Variants in NSUN6 observed in about 807,000 individuals in gnomAD.
NSUN6 encodes NOP2/Sun RNA methyltransferase 6.
A neutral mutation model predicts 58.0 loss-of-function variants in NSUN6; 64 were observed. The ratio of observed to expected loss-of-function variants is 1.10; its 90% CI spans 0.90 to 1.36. NSUN6 has a LOEUF of 1.36. NSUN6 is among the 40% of genes most tolerant of loss of function. The pLI is 0.00. For synonymous variants in NSUN6, 231 were observed against 193.9 expected (o/e 1.19, Z -1.59); for missense variants, 701 against 550.1 (o/e 1.27, Z -2.74).
Position 18,551,892 on chromosome 10 carries a change from G to A in NSUN6, c.1002C>T (p.Asn334=). The change falls in exon 9 of 11, where the codon AAC becomes AAT. Residue 334 remains asparagine (N), a synonymous_variant. Coordinates refer to ENST00000377304, the MANE Select transcript of NSUN6 (RefSeq NM_182543.5). ...CCTTCACAGACCAAGTACAGGCCAT[G>A]TTTGGTCTCTGTCCCATTCCACTAC... ...APCSGMGQRP[N]MACTWSVKEV... 1.2e-6 allele frequency: 2 copies of A among 1,612,208 alleles called. No homozygotes were observed. Among genetic ancestry groups the A allele is most frequent in the African/African-American group, 1.3e-5 (1 of 75,004 alleles).
chr10:18,570,139 G>A lies in NSUN6; in HGVS notation c.922+15810C>T, dbSNP rs141154218. 5.2e-3 allele frequency among the ~76,000 whole-genome samples: 688 copies of A among 132,160 alleles called. 8 individuals are homozygous for A. Among genetic ancestry groups the A allele is most frequent in the African/African-American group, 0.019 (653 of 34,718 alleles). 86.7% of individuals were successfully genotyped at this position (132,160 alleles called of 152,430 possible). A position where few individuals can be genotyped will look rare whatever the true frequency, so the allele number is the denominator to read the frequency against. ...TCCATTCTTCATTCCATTCCATTTC[G>A]CATTCCATTCCATTCTCCATTCCAT... On this transcript the variant is annotated intron_variant, in intron 8 of 10. Transcript: ENST00000377304.
chr10:18,596,405 C>G (rs965436128), intron 6 of NSUN6, 78 bp from the exon 7 acceptor site: 11 of 948,102 alleles, frequency 1.2e-5, no homozygotes, highest in African/African-American at 4.9e-5. Context: ...TATAAAGAAC[C>G]CTTTGGGGGT....
chr10:18,640,250 GA>G (rs2059350806), intron 3 of NSUN6, among the ~76,000 whole-genome samples: 1 of 152,172 alleles, frequency 6.6e-6, no homozygotes. Context: ...TAAGCACAGA[GA>G]CGGTCTATAA....
intron 8 of NSUN6, among the ~76,000 whole-genome samples, chr10:18,573,401 CTTCCATTCCATCGG>C (rs1302461386): frequency 2.0e-5 from 3 of 150,596 alleles, no homozygotes; most frequent in African/African-American, 7.3e-5. Flanking sequence ...TCCATTCTCC[CTTCCATTCCATCGG>C]TTCCATTTTC....
chr10:18,564,179 T>C (rs1299114107), intron 8 of NSUN6, among the ~76,000 whole-genome samples: 2 of 151,142 alleles, frequency 1.3e-5, no homozygotes, highest in Admixed American at 6.6e-5. Flanking sequence ...TTCCATTCCA[T>C]ACCATTCCAT....
At chr10:18,555,646 GGAGAACA>G (rs1308632474) in intron 8 of NSUN6, among the ~76,000 whole-genome samples, 6 of 91,690 alleles carry the variant, frequency 6.5e-5, no homozygotes, top group Admixed American at 6.0e-4. Flanking sequence ...GGAATGTAAT[GGAGAACA>G]GAATGGAATG....
rs188736167 is a variant in NSUN6 at position 18,622,281 on chromosome 10, G to A, written c.312-5988C>T. 3.3e-5 allele frequency among the ~76,000 whole-genome samples: 5 copies of A among 152,294 alleles called. No individual in the cohort carries two copies. In the East Asian group the frequency reaches 9.6e-4, roughly 29 times the overall value. On this transcript the variant is annotated intron_variant, in intron 3 of 10. Coordinates refer to ENST00000377304, the MANE Select transcript of NSUN6 (RefSeq NM_182543.5). The stretch of plus-strand genomic sequence containing the variant: ...GCTTTCTGCAATGTGAGAATACAAT[G>A]AGAAGTCAGCTATCTGCATCGCAGA...
At chr10:18,580,161 C>T (rs539400054) in intron 8 of NSUN6, among the ~76,000 whole-genome samples, 1 of 152,250 alleles carries the variant, frequency 6.6e-6, no homozygotes, top group East Asian at 1.9e-4. Flanking sequence ...ACAAAAACAA[C>T]CCTTTGAAGC....
In NSUN6 at chr10:18,651,398, G is replaced by A. The variant is rs2059701941; in HGVS notation, c.-195C>T. The A allele has an allele frequency of 7.7e-7, 1 of 1,290,426 alleles. No homozygotes were observed. The highest frequency in any genetic ancestry group is 1.5e-5 in the African/African-American group (1 of 64,866). The allele number at this position is 1,290,426 out of a possible 1,614,324, so 79.9% of individuals were successfully genotyped here. A position where few individuals can be genotyped will look rare whatever the true frequency, so the allele number is the denominator to read the frequency against. ...GCCTAGCCGATTAGAAGGGGCTGCC[G>A]GGCTTCCACCACACCTCATCGAGGC... On this transcript the variant is annotated 5_prime_UTR_variant, in exon 1 of 11. Coordinates refer to ENST00000377304, the MANE Select transcript of NSUN6 (RefSeq NM_182543.5).
chr10:18,554,954 T>C (rs1319030589), intron 8 of NSUN6, among the ~76,000 whole-genome samples: 1 of 146,164 alleles, frequency 6.8e-6, no homozygotes, highest in Non-Finnish European at 1.5e-5. Flanking sequence ...TGGAATGAAA[T>C]GAAATGGAGA....
At chr10:18,628,421 C>G (rs2058904672) in intron 3 of NSUN6, among the ~76,000 whole-genome samples, 1 of 152,302 alleles carries the variant, frequency 6.6e-6, no homozygotes, top group Admixed American at 6.5e-5. Flanking sequence ...CTTTGAGGAG[C>G]TGAGAGAAGA....
upstream of NSUN6, chr10:18,655,198 A>G (rs942975809): frequency 1.0e-5 from 10 of 963,706 alleles, no homozygotes; most frequent in Admixed American, 1.2e-4. Flanking sequence ...CAAACAACAT[A>G]GATTCTTACA....
chr10:18,558,824 T>A (rs111208096), intron 8 of NSUN6, among the ~76,000 whole-genome samples: 3 of 144,432 alleles, frequency 2.1e-5, no homozygotes, highest in Non-Finnish European at 4.5e-5. Context: ...GAGAATGGAA[T>A]GAAAAATGGA....
intron 6 of NSUN6, among the ~76,000 whole-genome samples, chr10:18,602,731 C>T (rs946999279): frequency 6.6e-6 from 1 of 152,088 alleles, no homozygotes; most frequent in Non-Finnish European, 1.5e-5. Flanking sequence ...AGTCTCCTCC[C>T]TACTTCCAGA....
chr10:18,547,413 C>A (rs908522333), intron 10 of NSUN6, among the ~76,000 whole-genome samples: 1 of 152,114 alleles, frequency 6.6e-6, no homozygotes, highest in East Asian at 1.9e-4. Context: ...GACTAGAAAC[C>A]ATCTCTGAAT....
intron 7 of NSUN6, among the ~76,000 whole-genome samples, chr10:18,591,653 T>C (rs2057382089): frequency 6.6e-6 from 1 of 152,062 alleles, no homozygotes. Flanking sequence ...GAAAAGGCCT[T>C]CCATAAAATT....
chr10:18,574,035 C>A (rs901677107), intron 8 of NSUN6, among the ~76,000 whole-genome samples: 2 of 152,038 alleles, frequency 1.3e-5, no homozygotes, highest in African/African-American at 4.8e-5. Context: ...CCTGTTTTAG[C>A]CTTACTCTCC....
At chr10:18,646,330 A>G (rs1009088434) in intron 2 of NSUN6, among the ~76,000 whole-genome samples, 2 of 152,194 alleles carry the variant, frequency 1.3e-5, no homozygotes, top group Non-Finnish European at 1.5e-5. Flanking sequence ...AGAAATCCAC[A>G]GCCTAAAACC....
intron 2 of NSUN6, among the ~76,000 whole-genome samples, chr10:18,647,638 A>C (rs2059583231): frequency 6.6e-6 from 1 of 152,052 alleles, no homozygotes; most frequent in Admixed American, 6.6e-5. Context: ...GGGTAAAAAA[A>C]GTCTCATGCT....
Sources: allele counts gnomAD v4.1 joint callset (sites outside exome capture counted in the v4.1 genomes callset), GRCh38; gene constraint gnomAD v4.1.1; transcripts MANE v1.5; gene names NCBI Gene and HGNC (gene_info 2026-07-23, HGNC 2026-07-21).